Variants in SORBS2 observed in about 807,000 individuals in gnomAD.
The protein encoded by SORBS2 is sorbin and SH3 domain containing 2, also known as sorbin and SH3 domain-containing protein 2.
In SORBS2, 46 loss-of-function variants were observed where a neutral mutation model predicts 97.7. That is an observed-to-expected ratio of 0.47 (90% confidence interval 0.37 to 0.60). SORBS2 has a LOEUF of 0.60. SORBS2 is among the 20% of genes least tolerant of loss of function. The pLI is 0.00. For missense variants in SORBS2, 1,316 were observed against 1,282.3 expected, an observed-to-expected ratio of 1.03 and a Z score of -0.40; for synonymous variants, 476 against 473.4, an observed-to-expected ratio of 1.01 and a Z score of -0.07.
At chr4:185,743,326 C>A (rs2098738944) in intron 2 of SORBS2, among the ~76,000 whole-genome samples, 1 of 152,152 alleles carries the variant, frequency 6.6e-6, no homozygotes, top group Admixed American at 6.5e-5. Context: ...CTCTCTCTGG[C>A]ATACCCGCTT....
intron 4 of SORBS2, among the ~76,000 whole-genome samples, chr4:185,669,570 G>A (rs1040720525): frequency 6.6e-6 from 1 of 152,120 alleles, no homozygotes; most frequent in Non-Finnish European, 1.5e-5. Flanking sequence ...CCTCAGGAGA[G>A]GAGGGGAAAG....
chr4:185,634,003 C>T (rs1263379760), intron 4 of SORBS2, among the ~76,000 whole-genome samples: 2 of 152,214 alleles, frequency 1.3e-5, no homozygotes, highest in Middle Eastern at 3.4e-3. Flanking sequence ...CAGAATATAA[C>T]CCCTTGTTTT....
intron 2 of SORBS2, among the ~76,000 whole-genome samples, chr4:185,688,474 C>T (rs1335266947): frequency 1.0e-4 from 15 of 142,918 alleles, no homozygotes; most frequent in Non-Finnish European, 1.9e-4. Flanking sequence ...ATATTATCTG[C>T]ATTATCTATC....
Position 185,744,054 on chromosome 4 carries a change from T to C in SORBS2, c.-198+31173A>G, listed in dbSNP as rs117880218. On this transcript the variant is annotated intron_variant, in intron 2 of 20. Transcript: ENST00000284776. ...ATTTCCACTTTCTTCCCCTTCTTCC[T>C]CCTTCTCCCCCTTCCTTTCCTCCTC... Among the ~76,000 whole-genome samples the C allele has an allele frequency of 5.7e-5, 8 of 140,790 alleles. No individual in the cohort carries two copies. In the East Asian group the frequency reaches 1.8e-3, roughly 31 times the overall value. The allele number at this position is 140,790 out of a possible 152,430, so 92.4% of individuals were successfully genotyped here.
intron 2 of SORBS2, among the ~76,000 whole-genome samples, chr4:185,691,136 G>C (rs772489789): frequency 6.6e-6 from 1 of 152,092 alleles, no homozygotes; most frequent in Non-Finnish European, 1.5e-5. Context: ...TCCTGACGTC[G>C]TGATCCACCT....
At chr4:185,699,715 C>T (rs75204886) in intron 2 of SORBS2, among the ~76,000 whole-genome samples, 29,416 of 151,984 alleles carry the variant, frequency 0.19, 3,504 homozygotes, top group South Asian at 0.37. Flanking sequence ...AAGTTGGAAA[C>T]TTTTGATATT....
intron 1 of SORBS2, among the ~76,000 whole-genome samples, chr4:185,861,720 C>T (rs960843999): frequency 3.9e-5 from 6 of 152,020 alleles, no homozygotes; most frequent in Non-Finnish European, 7.4e-5. Flanking sequence ...ATCCTCCTGC[C>T]TCAGCCTCCC....
At chr4:185,666,033 G>A (rs779494998) in intron 4 of SORBS2, 119 of 1,289,462 alleles carry the variant, frequency 9.2e-5, no homozygotes, top group Non-Finnish European at 1.1e-4. Flanking sequence ...CCACACCATC[G>A]GGGGGCGGAA....
At chr4:185,935,712 AT>A (rs2099268599) in intron 1 of SORBS2, among the ~76,000 whole-genome samples, 1 of 152,208 alleles carries the variant, frequency 6.6e-6, no homozygotes, top group Admixed American at 6.5e-5. Flanking sequence ...AGATATGTAT[AT>A]GGGTGGAAAA....
intron 14 of SORBS2, 59 bp downstream of exon 26, chr4:185,589,620 G>A: frequency 2.2e-6 from 2 of 911,456 alleles, no homozygotes; most frequent in Non-Finnish European, 3.5e-6. Flanking sequence ...CCACGGGAGT[G>A]AGCAAACTCA....
chr4:185,649,982 G>T (rs2097284314), intron 2 of SORBS2, among the ~76,000 whole-genome samples: 1 of 151,998 alleles, frequency 6.6e-6, no homozygotes, highest in Admixed American at 6.5e-5. Flanking sequence ...CTCTTCAATT[G>T]TATACACTAA....
At chr4:185,621,443 C>A (rs1418321710) in intron 7 of SORBS2, among the ~76,000 whole-genome samples, 1 of 152,134 alleles carries the variant, frequency 6.6e-6, no homozygotes, top group Admixed American at 6.5e-5. Flanking sequence ...GTACTCCTAT[C>A]TGCACATAAA....
intron 4 of SORBS2, 181 bp downstream of exon 13, chr4:185,646,487 A>T (rs1581726187): frequency 3.6e-6 from 2 of 556,322 alleles, no homozygotes; most frequent in Non-Finnish European, 3.2e-6. Context: ...TAAAGACAAT[A>T]TATTAGAACA....
At chr4:185,693,867 C>T (rs966397399) in intron 2 of SORBS2, among the ~76,000 whole-genome samples, 1 of 152,092 alleles carries the variant, frequency 6.6e-6, no homozygotes, top group African/African-American at 2.4e-5. Flanking sequence ...ATAGGATTAA[C>T]GAGAACAAAG....
chr4:185,858,345 C>G (rs1579214797), intron 1 of SORBS2, among the ~76,000 whole-genome samples: 2 of 152,292 alleles, frequency 1.3e-5, no homozygotes. Context: ...TCCCAGCCCC[C>G]AGAACTGTGA....
exon 7 of SORBS2, chr4:185,624,056 T>C: frequency 6.2e-7 from 1 of 1,614,142 alleles, no homozygotes; most frequent in East Asian, 2.2e-5. Flanking sequence ...GTGCATTTTC[T>C]TGTACATCTT....
chr4:185,831,994 A>G (rs924228378), intron 1 of SORBS2, among the ~76,000 whole-genome samples: 9 of 152,204 alleles, frequency 5.9e-5, no homozygotes. Flanking sequence ...AATAAATGTT[A>G]AATAGTATTA....
chr4:185,937,449 C>T (rs1169009067), intron 1 of SORBS2, among the ~76,000 whole-genome samples: 1 of 152,118 alleles, frequency 6.6e-6, no homozygotes, highest in Non-Finnish European at 1.5e-5. Context: ...TTATTGACAC[C>T]ATAATGCCTC....
At chr4:185,817,927 G>A (rs2099194259) in intron 1 of SORBS2, among the ~76,000 whole-genome samples, 1 of 152,188 alleles carries the variant, frequency 6.6e-6, no homozygotes, top group Admixed American at 6.5e-5. Context: ...AATAAGATGG[G>A]CCCAAGTGAT....
Sources: allele counts gnomAD v4.1 joint callset (sites outside exome capture counted in the v4.1 genomes callset), GRCh38; gene constraint gnomAD v4.1.1; transcripts MANE v1.5; gene names NCBI Gene and HGNC (gene_info 2026-07-23, HGNC 2026-07-21).